ANXA4: variants seen among roughly 807,000 people sequenced by gnomAD.
The protein encoded by ANXA4 is 35-beta calcimedin.
A neutral mutation model predicts 49.8 loss-of-function variants in ANXA4; 39 were observed. The observed-to-expected ratio is 0.78, with a 90% confidence interval of 0.61 to 1.02. The LOEUF is 1.02. Ranked by LOEUF, ANXA4 falls within the 50% of genes least tolerant of loss-of-function variation. ANXA4 has a pLI of 0.00. For missense variants in ANXA4, 360 were observed against 410.1 expected (o/e 0.88, Z 1.05); for synonymous variants, 134 against 152.5 (o/e 0.88, Z 0.89).
intron 1 of ANXA4, among the ~76,000 whole-genome samples, chr2:69,647,897 G>A (rs1676071817): frequency 6.6e-6 from 1 of 152,134 alleles, no homozygotes; most frequent in South Asian, 2.1e-4. Flanking sequence ...CTACAAAGTA[G>A]ACAGTATTAT....
intron 12 of ANXA4, 134 bp from the exon 13 acceptor site, chr2:69,825,322 G>A (rs1001564626): frequency 2.5e-5 from 17 of 690,650 alleles, no homozygotes; most frequent in African/African-American, 1.9e-4. Context: ...TATTACCTTC[G>A]TAATAAAAAA....
chr2:69,727,630 T>C (rs1455621768), intron 3 of ANXA4, among the ~76,000 whole-genome samples: 2 of 152,246 alleles, frequency 1.3e-5, no homozygotes, highest in African/African-American at 4.8e-5. Context: ...TTTAATTTTT[T>C]CTTTATTTTT....
At chr2:69,662,473 C>T (rs1559053861) in intron 2 of ANXA4, among the ~76,000 whole-genome samples, 2 of 151,956 alleles carry the variant, frequency 1.3e-5, no homozygotes, top group Non-Finnish European at 2.9e-5. Flanking sequence ...AATTTGCAGC[C>T]ATCTTTCATC....
At chr2:69,718,737 G>GCACACACATACATGCATA (rs1669722645) in intron 2 of ANXA4, among the ~76,000 whole-genome samples, 1 of 150,630 alleles carries the variant, frequency 6.6e-6, no homozygotes, top group East Asian at 1.9e-4. Flanking sequence ...ATACACAAAT[G>GCACACACATACATGCATA]CACACACATA....
At chr2:69,819,721 C>T in intron 11 of ANXA4, among the ~76,000 whole-genome samples, 1 of 152,090 alleles carries the variant, frequency 6.6e-6, no homozygotes, top group African/African-American at 2.4e-5. Context: ...GTATTCCTAA[C>T]CCTCCATCGT....
chr2:69,806,672 C>A (rs569191456), intron 5 of ANXA4, among the ~76,000 whole-genome samples, 174 bp downstream of exon 5: 1 of 152,286 alleles, frequency 6.6e-6, no homozygotes, highest in African/African-American at 2.4e-5. Flanking sequence ...TAAAAAGGAA[C>A]AAGATCATGT....
intron 1 of ANXA4, among the ~76,000 whole-genome samples, chr2:69,773,391 G>A (rs1224225361): frequency 6.6e-6 from 1 of 152,104 alleles, no homozygotes; most frequent in Non-Finnish European, 1.5e-5. Context: ...GAAGGCCCTT[G>A]CTCTGAAAAG....
At position 69,718,991 on chromosome 2, in the gene ANXA4, T is replaced by G. The variant is rs181113681; in HGVS notation, n.767-1783T>G. ...AGCTAGCTACCCTCCTTTTTTTTTT[T>G]TTTGTGACTGAGTCTCACACTGTCA... On this transcript the variant is annotated intron_variant and non_coding_transcript_variant, in intron 2 of 3. Coordinates refer to the ANXA4 transcript ENST00000418066. 6.6e-4 allele frequency among the ~76,000 whole-genome samples: 101 copies of G among 151,978 alleles called. 1 individual carries two copies. In the East Asian group the frequency reaches 0.016, roughly 24 times the overall value.
At chr2:69,803,866 G>A (rs1013071940) in intron 3 of ANXA4, among the ~76,000 whole-genome samples, 1 of 152,100 alleles carries the variant, frequency 6.6e-6, no homozygotes, top group Non-Finnish European at 1.5e-5. Context: ...GGCTGGGCGT[G>A]GTGTCTCACA....
intron 2 of ANXA4, among the ~76,000 whole-genome samples, chr2:69,701,262 A>G (rs983711012): frequency 5.9e-5 from 9 of 151,986 alleles, no homozygotes; most frequent in South Asian, 2.1e-4. Context: ...TTTTAAGTAC[A>G]TTCATATTGT....
At chr2:69,815,288 G>A (rs1394720440) in intron 8 of ANXA4, 1 of 152,178 alleles carries the variant, frequency 6.6e-6, no homozygotes, top group Admixed American at 6.5e-5. Flanking sequence ...TGAATTAGAT[G>A]AACGCTTTCA....
chr2:69,670,288 A>G (rs1241728186), intron 2 of ANXA4, among the ~76,000 whole-genome samples: 1 of 151,930 alleles, frequency 6.6e-6, no homozygotes, highest in Non-Finnish European at 1.5e-5. Flanking sequence ...AAAAACACAT[A>G]AATTAGCTGG....
At chr2:69,660,369 A>G (rs866968840) in intron 2 of ANXA4, among the ~76,000 whole-genome samples, 1 of 152,184 alleles carries the variant, frequency 6.6e-6, no homozygotes, top group South Asian at 2.1e-4. Flanking sequence ...GGTCACATGA[A>G]GGTCTCATAG....
Position 69,683,635 on chromosome 2 carries a change from T to C in ANXA4, n.766+30353T>C, listed in dbSNP as rs57976332. 7.8e-3 allele frequency among the ~76,000 whole-genome samples: 1,182 copies of C among 152,270 alleles called. 21 individuals are homozygous for C. Among genetic ancestry groups the C allele is most frequent in the Admixed American group, 9.9e-3 (151 of 15,300 alleles). On this transcript the variant is annotated intron_variant and non_coding_transcript_variant, in intron 2 of 3. Transcript: ENST00000418066. ...TCCTACCAAGACTCCCAACTCAGAC[T>C]GTTTTTCAGTCTGTCCCTCCATACA...
rs375160637 is a variant in ANXA4 at position 69,781,590 on chromosome 2, C to G, written c.9+16C>G. ...CATGGCCATGGTAAGTTGTGAAATA[C>G]CTCAACCCTATCTGGTGCCAGCTGC... is the stretch of plus-strand genomic sequence containing the variant. On this transcript the variant is annotated intron_variant, in intron 2 of 12. Transcript: ENST00000394295. The G allele has an allele frequency of 5.6e-5, 90 of 1,613,950 alleles. No homozygotes were observed. The African/African-American group carries it at 1.1e-3, about 20-fold the overall frequency.
At chr2:69,778,313 T>A (rs1672044129) in intron 1 of ANXA4, among the ~76,000 whole-genome samples, 1 of 152,236 alleles carries the variant, frequency 6.6e-6, no homozygotes, top group South Asian at 2.1e-4. Context: ...TAAAAATATA[T>A]TTTAAAATTG....
intron 1 of ANXA4, among the ~76,000 whole-genome samples, chr2:69,767,732 A>C (rs1671550797): frequency 1.3e-5 from 2 of 152,200 alleles, no homozygotes; most frequent in Non-Finnish European, 1.5e-5. Context: ...CCATCAGATA[A>C]GTCTGGAAGA....
rs901231486 is a variant in ANXA4 at position 69,732,471 on chromosome 2, A to G, written n.864+11600A>G. Among the ~76,000 whole-genome samples the G allele has an allele frequency of 4.0e-5, 6 of 149,868 alleles. No homozygotes were observed. The Admixed American group carries it at 4.0e-4, about 10-fold the overall frequency. ...GAGTTCATCGAGTAAAGAGTATTACAGTGTTGGCTGGGCGTGGTGGCTCAC... is the reference window on the plus strand; with the variant it reads ...GAGTTCATCGAGTAAAGAGTATTACGGTGTTGGCTGGGCGTGGTGGCTCAC... On this transcript the variant is annotated intron_variant and non_coding_transcript_variant, in intron 3 of 3. Transcript: ENST00000418066.
intron 1 of ANXA4, among the ~76,000 whole-genome samples, chr2:69,744,337 G>A (rs189145198): frequency 1.3e-5 from 2 of 152,210 alleles, no homozygotes; most frequent in Admixed American, 1.3e-4. Flanking sequence ...ACAAAAACAA[G>A]AGGAGGAGAT....
Sources: allele counts gnomAD v4.1 joint callset (sites outside exome capture counted in the v4.1 genomes callset), GRCh38; gene constraint gnomAD v4.1.1; transcripts MANE v1.5; gene names NCBI Gene and HGNC (gene_info 2026-07-23, HGNC 2026-07-21).